The following KCNH5 variants were observed in gnomAD, a reference collection of about 807,000 sequenced individuals.
KCNH5 encodes voltage-gated delayed rectifier potassium channel KCNH5.
Under a neutral mutation model 96.1 loss-of-function variants are expected in KCNH5, and 46 were observed. The ratio of observed to expected loss-of-function variants is 0.48; its 90% CI spans 0.38 to 0.61. KCNH5 has a LOEUF of 0.61. Among genes scored for constraint, KCNH5 ranks in the 20% least tolerant of loss-of-function variants. The pLI is 0.00. For synonymous variants in KCNH5, 439 were observed against 449.8 expected, an observed-to-expected ratio of 0.98 and a Z score of 0.30; for missense variants, 907 against 1,225.8, an observed-to-expected ratio of 0.74 and a Z score of 3.88.
intron 7 of KCNH5, among the ~76,000 whole-genome samples, chr14:62,905,300 TA>T (rs1342555267): frequency 6.6e-6 from 1 of 152,206 alleles, no homozygotes; most frequent in South Asian, 2.1e-4. Flanking sequence ...CCCTATTAGC[TA>T]AAATTATTAA....
chr14:62,709,311 T>G (rs1042967156), intron 10 of KCNH5, among the ~76,000 whole-genome samples: 1 of 149,332 alleles, frequency 6.7e-6, no homozygotes, highest in African/African-American at 2.4e-5. Flanking sequence ...ATAAGTGTAC[T>G]GAAAACTTAC....
intron 6 of KCNH5, among the ~76,000 whole-genome samples, chr14:62,960,678 A>G (rs1890189963): frequency 6.6e-6 from 1 of 152,146 alleles, no homozygotes; most frequent in Admixed American, 6.6e-5. Context: ...AAAGACAGAA[A>G]AAAAATTGCA....
intron 8 of KCNH5, among the ~76,000 whole-genome samples, chr14:62,806,187 A>G (rs558058793): frequency 1.4e-4 from 21 of 152,292 alleles, no homozygotes; most frequent in African/African-American, 3.8e-4. Flanking sequence ...TGGTCTAAAA[A>G]GGGGAGGCAT....
chr14:63,023,581 G>A (rs1450244964), intron 1 of KCNH5, among the ~76,000 whole-genome samples: 2 of 152,028 alleles, frequency 1.3e-5, no homozygotes, highest in South Asian at 2.1e-4. Context: ...CATTGGACTT[G>A]AACTACACTT....
chr14:62,970,044 T>TCAAA (rs535103059), intron 6 of KCNH5, among the ~76,000 whole-genome samples: 2 of 30,404 alleles, frequency 6.6e-5, no homozygotes, highest in African/African-American at 2.4e-4. Flanking sequence ...AGACTCCGTC[T>TCAAA]AAAAAAAAAA....
At chr14:62,897,979 A>G (rs1172803152) in intron 7 of KCNH5, among the ~76,000 whole-genome samples, 1 of 152,212 alleles carries the variant, frequency 6.6e-6, no homozygotes, top group Non-Finnish European at 1.5e-5. Context: ...TTCTCATTTA[A>G]TGAAACTCAT....
chr14:62,914,520 T>G (rs1889235625), intron 7 of KCNH5, among the ~76,000 whole-genome samples: 1 of 152,252 alleles, frequency 6.6e-6, no homozygotes, highest in African/African-American at 2.4e-5. Flanking sequence ...TGATCAGCAC[T>G]GTTAATTTCC....
At chr14:63,041,604 G>T (rs1335788893) in intron 1 of KCNH5, among the ~76,000 whole-genome samples, 1 of 152,066 alleles carries the variant, frequency 6.6e-6, no homozygotes, top group Non-Finnish European at 1.5e-5. Context: ...CACATGCTAA[G>T]AATTATTATA....
At chr14:62,950,097 A>G (rs1889970423) in intron 7 of KCNH5, 36 bp downstream of exon 7, 1 of 1,592,010 alleles carries the variant, frequency 6.3e-7, no homozygotes, top group Admixed American at 1.7e-5. Context: ...AATTGCCAAT[A>G]ACAATAATTT....
intron 7 of KCNH5, among the ~76,000 whole-genome samples, chr14:62,897,877 C>T (rs1956027): frequency 0.52 from 79,603 of 151,830 alleles, 21,906 homozygotes; most frequent in South Asian, 0.67. Context: ...TTGAAACTTC[C>T]GTTAAATCAG....
chr14:62,824,555 A>G (rs1887180932), intron 8 of KCNH5, among the ~76,000 whole-genome samples: 1 of 152,132 alleles, frequency 6.6e-6, no homozygotes, highest in African/African-American at 2.4e-5. Flanking sequence ...CACCTTAAAA[A>G]GAACATGCTT....
Position 62,950,568 on chromosome 14 carries a change from A to T in KCNH5, c.943-9T>A, listed in dbSNP as rs200001237. 4.8e-4 allele frequency: 85 copies of T among 178,674 alleles called. No individual in the cohort carries two copies. In the East Asian group the frequency reaches 6.2e-3, roughly 13 times the overall value. 11.1% of individuals were successfully genotyped at this position (178,674 alleles called of 1,614,324 possible). Reference sequence around the variant, plus strand: ...AAGAGACTGCTGATTCCCTGGATTTAAAAAAAAAAAAAAAATTACACCACA... The same window carrying T: ...AAGAGACTGCTGATTCCCTGGATTTTAAAAAAAAAAAAAAATTACACCACA... On this transcript the variant is annotated splice_polypyrimidine_tract_variant and intron_variant, in intron 6 of 10. Transcript: ENST00000322893.
intron 1 of KCNH5, among the ~76,000 whole-genome samples, chr14:63,029,774 CT>C (rs1175275302): frequency 1.3e-5 from 2 of 151,944 alleles, no homozygotes; most frequent in Non-Finnish European, 2.9e-5. Context: ...CATTGAAACA[CT>C]CTCTATGTAT....
chr14:62,859,113 T>C (rs1950567), intron 7 of KCNH5, among the ~76,000 whole-genome samples: 147,325 of 152,278 alleles, frequency 0.97, 71,312 homozygotes, highest in East Asian at 1. Context: ...CAAACCTATA[T>C]CTGGAGTAAG....
intron 4 of KCNH5, among the ~76,000 whole-genome samples, chr14:62,989,020 CACACACACACAT>C (rs1466188775): frequency 6.8e-6 from 1 of 146,096 alleles, no homozygotes; most frequent in African/African-American, 2.6e-5. Context: ...CTATTACCTA[CACACACACACAT>C]ACACACACAC....
chr14:62,848,614 G>A (rs2140044504), intron 8 of KCNH5, among the ~76,000 whole-genome samples: 1 of 152,070 alleles, frequency 6.6e-6, no homozygotes, highest in Non-Finnish European at 1.5e-5. Flanking sequence ...AACAACACCT[G>A]CCCTGGCTTA....
intron 9 of KCNH5, among the ~76,000 whole-genome samples, chr14:62,786,171 A>G (rs1410367225): frequency 6.6e-6 from 1 of 152,224 alleles, no homozygotes; most frequent in East Asian, 1.9e-4. Context: ...AGCCTGGGTG[A>G]CAGAGCAAGA....
At chr14:62,739,250 C>T (rs919248783) in intron 10 of KCNH5, among the ~76,000 whole-genome samples, 1 of 152,104 alleles carries the variant, frequency 6.6e-6, no homozygotes, top group African/African-American at 2.4e-5. Context: ...TGTTAAATCA[C>T]TTCTAGAGTC....
intron 10 of KCNH5, among the ~76,000 whole-genome samples, chr14:62,736,011 A>T (rs1194044169): frequency 1.3e-5 from 2 of 152,162 alleles, no homozygotes; most frequent in Non-Finnish European, 2.9e-5. Flanking sequence ...TGTCAGAGAG[A>T]CTATGGCCCT....
Sources: allele counts gnomAD v4.1 joint callset (sites outside exome capture counted in the v4.1 genomes callset), GRCh38; gene constraint gnomAD v4.1.1; transcripts MANE v1.5; gene names NCBI Gene and HGNC (gene_info 2026-07-23, HGNC 2026-07-21).